FABP12: variants seen among roughly 807,000 people sequenced by gnomAD.
FABP12 encodes the protein fatty acid binding protein 12.
FABP12 carries 19 observed loss-of-function variants against 13.7 expected under a neutral mutation model. The ratio of observed to expected loss-of-function variants is 1.39; its 90% CI spans 0.97 to 2.04. FABP12 has a LOEUF of 2.04. Ranked by LOEUF, FABP12 falls within the 30% of genes most tolerant of loss-of-function variation. The pLI is 0.00. For synonymous variants in FABP12, 61 were observed against 57.0 expected, an observed-to-expected ratio of 1.07 and a Z score of -0.32; for missense variants, 182 against 164.2, an observed-to-expected ratio of 1.11 and a Z score of -0.59.
At chr8:81,529,814 A>G (rs1809015787) in intron 2 of FABP12, among the ~76,000 whole-genome samples, 1 of 152,194 alleles carries the variant, frequency 6.6e-6, no homozygotes, top group Admixed American at 6.5e-5. Context: ...CCACCATGAC[A>G]TGTTAAAATA....
intron 4 of FABP12, 68 bp from the exon 5 acceptor site, chr8:81,525,188 A>T: frequency 9.9e-7 from 1 of 1,012,536 alleles, no homozygotes. Flanking sequence ...AAAAGTGCAA[A>T]CTAAGTACTA....
chr8:81,583,260 T>C (rs545684149), intron 1 of FABP12, among the ~76,000 whole-genome samples: 2 of 151,874 alleles, frequency 1.3e-5, no homozygotes, highest in South Asian at 4.2e-4. Flanking sequence ...AGTAGAAATA[T>C]TTCAAATAAA....
At chr8:81,574,924 AT>A (rs200754597) in intron 1 of FABP12, among the ~76,000 whole-genome samples, 24,462 of 140,858 alleles carry the variant, frequency 0.17, 2,244 homozygotes, top group East Asian at 0.43. Context: ...TATCTTTTGT[AT>A]TTTTTTTTTT....
intron 1 of FABP12, among the ~76,000 whole-genome samples, chr8:81,584,679 A>G (rs1810217371): frequency 6.6e-6 from 1 of 151,598 alleles, no homozygotes; most frequent in South Asian, 2.1e-4. Flanking sequence ...GAATTGCTGG[A>G]TCATATGGTG....
intron 1 of FABP12, among the ~76,000 whole-genome samples, chr8:81,577,523 C>T (rs1204114980): frequency 2.0e-5 from 3 of 151,720 alleles, no homozygotes; most frequent in African/African-American, 7.3e-5. Context: ...CTTTGGGAGG[C>T]TGAGGTGGGC....
In FABP12 at chr8:81,527,000, G is replaced by C. The variant is rs979589265; in HGVS notation, c.348+20C>G. 2.7e-6 allele frequency: 4 copies of C among 1,454,668 alleles called. No individual in the cohort carries two copies. The highest frequency in any genetic ancestry group is 1.4e-5 in the African/African-American group (1 of 71,298). 90.1% of individuals were successfully genotyped at this position (1,454,668 alleles called of 1,614,324 possible). A position where few individuals can be genotyped will look rare whatever the true frequency, so the allele number is the denominator to read the frequency against. ...AGTCGTTGCAGAAGGTGGGAAGAAAGCGAGGATGGGCTAACTCACCACCAC... is the reference window on the plus strand; with the variant it reads ...AGTCGTTGCAGAAGGTGGGAAGAAACCGAGGATGGGCTAACTCACCACCAC... On this transcript the variant is annotated intron_variant, in intron 4 of 4. Coordinates refer to ENST00000360464, the Ensembl canonical transcript of FABP12.
At chr8:81,528,226 C>T (rs1055368783) in intron 3 of FABP12, among the ~76,000 whole-genome samples, 1 of 151,980 alleles carries the variant, frequency 6.6e-6, no homozygotes, top group Admixed American at 6.6e-5. Flanking sequence ...ACTATAGGCA[C>T]GCACCACCAC....
chr8:81,563,569 A>G (rs1419043039), intron 1 of FABP12, among the ~76,000 whole-genome samples: 1 of 152,234 alleles, frequency 6.6e-6, no homozygotes. Context: ...CTGATCAGAT[A>G]AATTTAATAG....
At chr8:81,546,088 A>C (rs1809430334) in intron 1 of FABP12, among the ~76,000 whole-genome samples, 1 of 152,168 alleles carries the variant, frequency 6.6e-6, no homozygotes, top group African/African-American at 2.4e-5. Flanking sequence ...TCCCCTGCAA[A>C]GTTACCATAC....
chr8:81,553,556 C>T lies in FABP12; in HGVS notation c.-184-13813G>A, dbSNP rs1809557819. On this transcript the variant is annotated intron_variant, in intron 1 of 5. Transcript: ENST00000692030. ...ATTATCAAATTCAGAAATGGGAGAA[C>T]CTAGAGAAAGCATCTGTCATGCTTT... is the stretch of plus-strand genomic sequence containing the variant. 2.6e-5 allele frequency among the ~76,000 whole-genome samples: 4 copies of T among 152,098 alleles called. No homozygotes were observed. In the South Asian group the frequency reaches 8.3e-4, roughly 32 times the overall value.
intron 1 of FABP12, among the ~76,000 whole-genome samples, chr8:81,559,403 T>C (rs777967600): frequency 2.0e-5 from 3 of 152,190 alleles, no homozygotes; most frequent in Non-Finnish European, 2.9e-5. Context: ...GGCCAACTGA[T>C]CAAATATGGG....
chr8:81,531,780 G>GT (rs940392561), intron 1 of FABP12, among the ~76,000 whole-genome samples: 1 of 152,162 alleles, frequency 6.6e-6, no homozygotes, highest in African/African-American at 2.4e-5. Context: ...ATTCTTGATA[G>GT]TTTCAACTAA....
At chr8:81,574,347 C>T (rs746594955) in intron 1 of FABP12, among the ~76,000 whole-genome samples, 2 of 152,026 alleles carry the variant, frequency 1.3e-5, no homozygotes, top group Non-Finnish European at 2.9e-5. Flanking sequence ...TTGTTGGAGT[C>T]GATTAGCTAG....
At chr8:81,525,969 G>A (rs1668127785) in intron 4 of FABP12, 1 of 152,180 alleles carries the variant, frequency 6.6e-6, no homozygotes, top group South Asian at 2.1e-4. Context: ...AGTCACGTAA[G>A]TACTGAATGG....
intron 1 of FABP12, among the ~76,000 whole-genome samples, chr8:81,561,554 T>C (rs1290315572): frequency 2.6e-5 from 4 of 152,222 alleles, no homozygotes; most frequent in Admixed American, 1.3e-4. Flanking sequence ...TTTAACTTCA[T>C]ATCACTGAGA....
intron 1 of FABP12, among the ~76,000 whole-genome samples, chr8:81,589,445 C>A (rs1212881514): frequency 6.6e-6 from 1 of 152,032 alleles, no homozygotes; most frequent in Non-Finnish European, 1.5e-5. Context: ...CTCCAGCTGA[C>A]AAAAACACAG....
At chr8:81,537,087 C>A (rs1030193812), upstream of FABP12, among the ~76,000 whole-genome samples, 1 of 152,040 alleles carries the variant, frequency 6.6e-6, no homozygotes, top group Non-Finnish European at 1.5e-5. Flanking sequence ...GATTTTTCAT[C>A]AAAAGACATT....
At chr8:81,586,600 T>C (rs1486186743) in intron 1 of FABP12, among the ~76,000 whole-genome samples, 4 of 152,212 alleles carry the variant, frequency 2.6e-5, no homozygotes, top group Non-Finnish European at 1.5e-5. Flanking sequence ...TTAGTGATAT[T>C]GAGCATTTAT....
intron 3 of FABP12, among the ~76,000 whole-genome samples, chr8:81,528,219 A>G (rs936857656): frequency 6.6e-6 from 1 of 152,038 alleles, no homozygotes; most frequent in Admixed American, 6.6e-5. Flanking sequence ...AGCTGGAACT[A>G]TAGGCACGCA....
Sources: gnomAD v4.1 joint callset for allele counts (sites outside exome capture counted in the v4.1 genomes callset) on GRCh38, gnomAD v4.1.1 for gene constraint, MANE v1.5 for transcripts, NCBI Gene and HGNC (gene_info 2026-07-23, HGNC 2026-07-21) for gene names.